CALN1: variants seen among roughly 807,000 people sequenced by gnomAD.
CALN1 encodes the protein calcium-binding protein 8.
In CALN1, 17 loss-of-function variants were observed where a neutral mutation model predicts 30.6. That is an observed-to-expected ratio of 0.56 (90% CI 0.38 to 0.83). The LOEUF (loss-of-function observed/expected upper bound fraction) is 0.83. Ranked by LOEUF, CALN1 falls within the 40% of genes least tolerant of loss-of-function variation. CALN1 has a pLI of 0.00. For missense variants in CALN1, 291 were observed against 354.9 expected (o/e 0.82, Z 1.45); for synonymous variants, 156 against 131.4 (o/e 1.19, Z -1.28).
intron 4 of CALN1, 54 bp from the exon 5 acceptor site, chr7:72,023,823 G>T: frequency 7.7e-7 from 1 of 1,305,730 alleles, no homozygotes; most frequent in Non-Finnish European, 1.1e-6. Context: ...TTGACCTACC[G>T]TACCTGATGC....
chr7:72,402,600 G>A (rs557126644), intron 2 of CALN1, among the ~76,000 whole-genome samples: 1 of 152,308 alleles, frequency 6.6e-6, no homozygotes, highest in African/African-American at 2.4e-5. Context: ...TTCCTCTTGA[G>A]TTTGTATAGC....
chr7:71,847,743 G>GAAGAAAGAAGAAGA (rs1386376397), intron 5 of CALN1, among the ~76,000 whole-genome samples: 1,021 of 94,460 alleles, frequency 0.011, 24 homozygotes, highest in African/African-American at 0.036. Flanking sequence ...AAAGAAGAAA[G>GAAGAAAGAAGAAGA]AAGAAGAAAG....
chr7:72,418,145 G>A (rs1807482754), intron 1 of CALN1, among the ~76,000 whole-genome samples: 3 of 150,332 alleles, frequency 2.0e-5, no homozygotes, highest in Non-Finnish European at 4.4e-5. Context: ...AGCCCCCAGT[G>A]TCTGTTCTTC....
At chr7:72,394,514 C>G (rs1457441713) in intron 2 of CALN1, among the ~76,000 whole-genome samples, 1 of 151,854 alleles carries the variant, frequency 6.6e-6, no homozygotes, top group Non-Finnish European at 1.5e-5. Flanking sequence ...CATTGCAGTA[C>G]AATAGAAAAG....
chr7:72,454,247 TG>T, the CALN1 span, among the ~76,000 whole-genome samples: 3 of 152,282 alleles, frequency 2.0e-5, no homozygotes, highest in Middle Eastern at 3.4e-3. Flanking sequence ...CCCCAGGCAG[TG>T]CCTGGAGAAG....
At chr7:72,350,422 C>A (rs1342193599) in intron 2 of CALN1, among the ~76,000 whole-genome samples, 1 of 152,162 alleles carries the variant, frequency 6.6e-6, no homozygotes, top group African/African-American at 2.4e-5. Flanking sequence ...AAACGTGGCA[C>A]ATACACACCA....
At chr7:72,160,608 G>T (rs1393795186) in intron 3 of CALN1, among the ~76,000 whole-genome samples, 2 of 152,150 alleles carry the variant, frequency 1.3e-5, no homozygotes, top group East Asian at 3.8e-4. Context: ...CAACACTAAA[G>T]TAAGCCTCTA....
At chr7:71,876,673 C>T (rs1361180972) in intron 5 of CALN1, among the ~76,000 whole-genome samples, 1 of 152,040 alleles carries the variant, frequency 6.6e-6, no homozygotes, top group African/African-American at 2.4e-5. Flanking sequence ...TCCTCCCCTC[C>T]ACTCCAACTA....
chr7:72,173,199 T>C (rs1789092977), intron 3 of CALN1, among the ~76,000 whole-genome samples: 3 of 151,864 alleles, frequency 2.0e-5, no homozygotes, highest in African/African-American at 4.8e-5. Flanking sequence ...ATCAATTCCA[T>C]CTGCAGTAGT....
chr7:71,944,703 TA>T (rs1796319373), intron 5 of CALN1, among the ~76,000 whole-genome samples: 1 of 152,076 alleles, frequency 6.6e-6, no homozygotes, highest in African/African-American at 2.4e-5. Context: ...TCAAAATGCT[TA>T]ATGAGTCAAT....
At chr7:72,387,027 G>A (rs1265985909) in intron 2 of CALN1, among the ~76,000 whole-genome samples, 3 of 151,378 alleles carry the variant, frequency 2.0e-5, no homozygotes, top group African/African-American at 7.3e-5. Context: ...ATCTTTCAGT[G>A]CCAGAAAGAA....
At chr7:72,158,729 A>C (rs1176968314) in intron 3 of CALN1, among the ~76,000 whole-genome samples, 1 of 152,182 alleles carries the variant, frequency 6.6e-6, no homozygotes, top group Non-Finnish European at 1.5e-5. Flanking sequence ...CTGAGGACTG[A>C]GGCATTAAGG....
At chr7:71,995,821 G>T (rs1799223207) in intron 5 of CALN1, among the ~76,000 whole-genome samples, 2 of 151,412 alleles carry the variant, frequency 1.3e-5, no homozygotes, top group Non-Finnish European at 2.9e-5. Context: ...GTTGCCCAGA[G>T]ATTGGAGGCA....
chr7:72,119,204 G>C (rs1228201008), intron 3 of CALN1, among the ~76,000 whole-genome samples: 1 of 152,002 alleles, frequency 6.6e-6, no homozygotes, highest in African/African-American at 2.4e-5. Context: ...ATTTACAAAA[G>C]AAAGAGGTTT....
chr7:72,450,773 G>A (rs528577750), upstream of CALN1, among the ~76,000 whole-genome samples: 3 of 152,068 alleles, frequency 2.0e-5, no homozygotes, highest in East Asian at 1.9e-4. Flanking sequence ...CCAGCTACTC[G>A]GGAGGCTGAG....
At chr7:72,265,742 C>T (rs145809818) in intron 3 of CALN1, among the ~76,000 whole-genome samples, 29 of 152,070 alleles carry the variant, frequency 1.9e-4, no homozygotes, top group African/African-American at 6.5e-4. Flanking sequence ...AACAAGATAC[C>T]ACCCTCTGCT....
chr7:71,871,646 C>T (rs903717152), intron 5 of CALN1, among the ~76,000 whole-genome samples: 5 of 152,172 alleles, frequency 3.3e-5, no homozygotes, highest in Non-Finnish European at 7.3e-5. Context: ...CTCCCACCAC[C>T]AGATGGCTCC....
In CALN1 at chr7:72,215,663, G is replaced by A. The variant is rs535241761; in HGVS notation, c.244+63023C>T. ...TCCCAATTTTAATCATTTCAATCCC[G>A]TAATACTGCAAAAGACTTGAAATAA... is the stretch of plus-strand genomic sequence containing the variant. On this transcript the variant is annotated intron_variant, in intron 3 of 6. Transcript: ENST00000395275. 5.3e-5 allele frequency among the ~76,000 whole-genome samples: 8 copies of A among 150,734 alleles called. No individual in the cohort carries two copies. In the East Asian group the frequency reaches 7.8e-4, roughly 15 times the overall value.
At chr7:72,110,521 G>T (rs1205315859) in intron 3 of CALN1, among the ~76,000 whole-genome samples, 1 of 152,178 alleles carries the variant, frequency 6.6e-6, no homozygotes, top group African/African-American at 2.4e-5. Context: ...TGGCATGCAG[G>T]TAAGTAGGAC....
Sources: gnomAD v4.1 joint callset for allele counts (sites outside exome capture counted in the v4.1 genomes callset) on GRCh38, gnomAD v4.1.1 for gene constraint, MANE v1.5 for transcripts, NCBI Gene and HGNC (gene_info 2026-07-23, HGNC 2026-07-21) for gene names.